The following SEC14L3 variants were observed in gnomAD, a reference collection of about 807,000 sequenced individuals.
The protein encoded by SEC14L3 is SEC14 like lipid binding 3, also known as SEC14-like protein 3.
Under a neutral mutation model 57.4 loss-of-function variants are expected in SEC14L3, and 56 were observed. The observed-to-expected ratio is 0.97, with a 90% CI of 0.79 to 1.22. The LOEUF (loss-of-function observed/expected upper bound fraction) is 1.22, where lower values mean the gene tolerates loss of function less well. Ranked by LOEUF, SEC14L3 falls within the 50% of genes most tolerant of loss-of-function variation. The pLI, the probability that SEC14L3 is intolerant of heterozygous loss-of-function variation, is 0.00. For synonymous variants in SEC14L3, 173 were observed against 194.4 expected (o/e 0.89, Z 0.92); for missense variants, 485 against 511.7 (o/e 0.95, Z 0.50).
chr22:30,451,329 G>T (rs1452714660), intron 12 of SEC14L3, among the ~76,000 whole-genome samples: 3 of 152,210 alleles, frequency 2.0e-5, no homozygotes, highest in Non-Finnish European at 4.4e-5. Context: ...GGAGGGGATG[G>T]ACACTGACCT....
intron 12 of SEC14L3, chr22:30,449,330 C>T (rs551559599): frequency 2.0e-6 from 3 of 1,492,242 alleles, no homozygotes; most frequent in Non-Finnish European, 2.7e-6. Context: ...AATACTAAGG[C>T]ATATGCTAAG....
rs755274626 is a variant in SEC14L3, at chr22:30,460,084, T to C, written c.1140A>G (p.Thr380=). The change falls in exon 12 of 12, where the codon ACA becomes ACG. Residue 380 remains threonine, a synonymous_variant. Coordinates refer to ENST00000215812, the MANE Select transcript of SEC14L3 (RefSeq NM_174975.5). ...CCTCGTCAGGGAGCAGGACCTCCACTGTGAAGCTGACCTTCTTGGCGTGGA... is the reference window on the plus strand; with the variant it reads ...CCTCGTCAGGGAGCAGGACCTCCACCGTGAAGCTGACCTTCTTGGCGTGGA... The part of the protein sequence containing the change: ...SFVHAKKVSF[T]VEVLLPDEGM... The C allele has an allele frequency of 6.2e-7, 1 of 1,614,182 alleles. No homozygotes were observed. The highest frequency in any genetic ancestry group is 8.5e-7 in the Non-Finnish European group (1 of 1,180,010).
downstream of SEC14L3, among the ~76,000 whole-genome samples, chr22:30,458,381 G>A (rs182521917): frequency 6.6e-6 from 1 of 152,248 alleles, no homozygotes; most frequent in African/African-American, 2.4e-5. Flanking sequence ...GAATTTCCTT[G>A]GACAAGCTGC....
intron 12 of SEC14L3, among the ~76,000 whole-genome samples, chr22:30,452,070 A>G (rs960765830): frequency 6.6e-6 from 1 of 151,480 alleles, no homozygotes; most frequent in Non-Finnish European, 1.5e-5. Flanking sequence ...TCCGGCTGGA[A>G]TTGGTTGGAA....
At chr22:30,460,757 G>A (rs575509660) in intron 11 of SEC14L3, among the ~76,000 whole-genome samples, 19 of 152,006 alleles carry the variant, frequency 1.2e-4, no homozygotes, top group African/African-American at 4.6e-4. Flanking sequence ...GAACCCGGGA[G>A]GGGGAGGTTG....
At chr22:30,468,732 A>C (rs768343692) in intron 4 of SEC14L3, 36 bp from the exon 5 acceptor site, 34 of 1,613,750 alleles carry the variant, frequency 2.1e-5, no homozygotes, top group Admixed American at 1.7e-4. Context: ...TTGGCATTAC[A>C]CACCTCCCTT....
At chr22:30,454,931 GATAT>G (rs1935076649), downstream of SEC14L3, among the ~76,000 whole-genome samples, 1 of 28,754 alleles carries the variant, frequency 3.5e-5, no homozygotes, top group Non-Finnish European at 5.9e-5. Context: ...TTATATAATA[GATAT>G]ATAATATATT....
Position 30,470,504 on chromosome 22 carries a change from C to T in SEC14L3, c.130+3G>A, listed in dbSNP as rs376389494. 1.2e-5 allele frequency: 19 copies of T among 1,614,062 alleles called. No individual in the cohort carries two copies. In the African/African-American group the frequency reaches 2.4e-4, roughly 20 times the overall value. On this transcript the variant is annotated splice_donor_region_variant and intron_variant, in intron 2 of 11. Coordinates refer to ENST00000215812, the MANE Select transcript of SEC14L3 (RefSeq NM_174975.5). Reference sequence around the variant, plus strand: ...TCCCAACCTCTCCCACCTCTGCCCTCACCTCGGAGCCAGCGTAGAAGGAAA... The same window carrying T: ...TCCCAACCTCTCCCACCTCTGCCCTTACCTCGGAGCCAGCGTAGAAGGAAA...
In SEC14L3 at chr22:30,459,731, A is replaced by T. The variant is rs184531283; in HGVS notation, c.*290T>A. ...CACACCTGCCTTAGGGTAGGTGAGG[A>T]CAAAGGCTAGGGGATTCATTTTGCT... On this transcript the variant is annotated 3_prime_UTR_variant, in exon 12 of 12. Transcript: ENST00000215812. The T allele has an allele frequency of 1.8e-5, 20 of 1,097,130 alleles. No homozygotes were observed. In the East Asian group the frequency reaches 9.9e-4, roughly 55 times the overall value. The allele number at this position is 1,097,130 out of a possible 1,614,324, so 68.0% of individuals were successfully genotyped here.
At chr22:30,468,418 T>TCGC in intron 5 of SEC14L3, 90 bp downstream of exon 5, 1 of 931,462 alleles carries the variant, frequency 1.1e-6, no homozygotes, top group Non-Finnish European at 1.7e-6. Context: ...CTGACTGTGG[T>TCGC]TGTAGAGAAC....
At chr22:30,451,448 A>C (rs1031704017) in intron 12 of SEC14L3, among the ~76,000 whole-genome samples, 3 of 152,184 alleles carry the variant, frequency 2.0e-5, no homozygotes, top group Non-Finnish European at 4.4e-5. Context: ...AACAAACATA[A>C]TAAAGCAAAT....
intron 2 of SEC14L3, 22 bp downstream of exon 2, chr22:30,470,485 C>T (rs373258071): frequency 1.1e-5 from 17 of 1,613,758 alleles, no homozygotes; most frequent in Non-Finnish European, 1.3e-5. Flanking sequence ...CTGATCCCAA[C>T]CTCTCCCACC....
At chr22:30,466,961 G>A (rs1382908630) in intron 6 of SEC14L3, 21 bp downstream of exon 6, 5 of 1,600,400 alleles carry the variant, frequency 3.1e-6, no homozygotes, top group Non-Finnish European at 4.3e-6. Context: ...AGCGGGGGGT[G>A]GCCCTAGGAC....
chr22:30,457,504 T>G (rs1935140094), downstream of SEC14L3, among the ~76,000 whole-genome samples: 3 of 151,716 alleles, frequency 2.0e-5, no homozygotes, highest in South Asian at 6.3e-4. Context: ...TGCCTCAGCC[T>G]TCTGAGGAGC....
At chr22:30,462,634 G>A (rs746739277) in intron 8 of SEC14L3, among the ~76,000 whole-genome samples, 8 of 152,052 alleles carry the variant, frequency 5.3e-5, no homozygotes, top group Non-Finnish European at 1.0e-4. Flanking sequence ...TGTTGCCCAG[G>A]CTAGTCTCAA....
In SEC14L3 at chr22:30,470,054, C is replaced by T. The variant is rs868147894; in HGVS notation, c.199G>A (p.Asp67Asn). Residue 67 changes from aspartate (D) to asparagine (N), a missense_variant, in exon 4 of 12, where the codon GAT becomes AAT. By Grantham distance (23) the Asp-to-Asn change is conservative (BLOSUM62 1). Coordinates refer to ENST00000215812, the MANE Select transcript of SEC14L3 (RefSeq NM_174975.5). ...RKYMEFRKTM[D>N]IDHILDWQPP... ...TGCCAATCAAGGATATGGTCAATAT[C>T]CATGGTCTTCCGGAACTCCATGTAC... 1 of 1,593,756 alleles carries T rather than the reference C, an allele frequency of 6.3e-7. No individual in the cohort carries two copies.
intron 8 of SEC14L3, 84 bp from the exon 9 acceptor site, chr22:30,462,276 G>T (rs191190283): frequency 2.0e-6 from 3 of 1,498,882 alleles, no homozygotes; most frequent in East Asian, 4.8e-5. Flanking sequence ...GACCTGAACT[G>T]GGGGAGAAGC....
Position 30,467,032 on chromosome 22 carries a change from C to A in SEC14L3, c.469G>T (p.Gly157Cys). 6.2e-7 allele frequency: 1 copy of A among 1,614,054 alleles called. No homozygotes were observed. The change falls in exon 6 of 12, where the codon GGC becomes TGC. Residue 157 changes from glycine (G) to cysteine (C), a missense_variant. Transcript: ENST00000215812. ...TTCCAGAAGTGTTTCAGTCCCAGGCCCTCACAGTCAAATATCATCACGATG... is the reference window on the plus strand; with the variant it reads ...TTCCAGAAGTGTTTCAGTCCCAGGCACTCACAGTCAAATATCATCACGATG... ...ETIVMIFDCE[G>C]LGLKHFWKPL...
intron 7 of SEC14L3, 170 bp from the exon 8 acceptor site, chr22:30,465,073 C>T (rs1031994292): frequency 1.7e-5 from 8 of 470,662 alleles, no homozygotes; most frequent in African/African-American, 1.5e-4. Context: ...AGCCAACAAA[C>T]AGCCAACTAA....
Sources: allele counts gnomAD v4.1 joint callset (sites outside exome capture counted in the v4.1 genomes callset), GRCh38; gene constraint gnomAD v4.1.1; transcripts MANE v1.5; gene names NCBI Gene and HGNC (gene_info 2026-07-23, HGNC 2026-07-21).